Variants in UNC119B observed in about 807,000 individuals in gnomAD.
The protein encoded by UNC119B is unc-119 lipid binding chaperone B, also known as protein unc-119 homolog B.
Under a neutral mutation model 23.4 loss-of-function variants are expected in UNC119B, and 16 were observed. The ratio of observed to expected loss-of-function variants is 0.68; its 90% CI spans 0.46 to 1.04. UNC119B has a LOEUF of 1.04. Among genes scored for constraint, UNC119B ranks in the 50% least tolerant of loss-of-function variants. The probability of loss-of-function intolerance (pLI) is 0.00; values close to 1 mark genes in which losing one functional copy is unlikely to be tolerated. For missense variants in UNC119B, 350 were observed against 361.3 expected, an observed-to-expected ratio of 0.97 and a Z score of 0.25; for synonymous variants, 144 against 145.4, an observed-to-expected ratio of 0.99 and a Z score of 0.07.
At chr12:120,714,424 G>A (rs974416572) in intron 2 of UNC119B, among the ~76,000 whole-genome samples, 3 of 151,794 alleles carry the variant, frequency 2.0e-5, no homozygotes, top group African/African-American at 7.3e-5. Context: ...GGGTTCAAGA[G>A]CTTCTCCTGC....
At chr12:120,718,664 C>G (rs1352136043) in intron 4 of UNC119B, among the ~76,000 whole-genome samples, 1 of 152,186 alleles carries the variant, frequency 6.6e-6, no homozygotes, top group East Asian at 1.9e-4. Flanking sequence ...GCCTAGCCAC[C>G]TCAGGTTCGC....
At chr12:120,715,448 C>G (rs1206133684) in intron 2 of UNC119B, among the ~76,000 whole-genome samples, 2 of 150,546 alleles carry the variant, frequency 1.3e-5, no homozygotes, top group Non-Finnish European at 2.9e-5. Flanking sequence ...CAGCTTAGAC[C>G]TGGAGAAAAT....
chr12:120,711,282 T>C (rs947316014), intron 1 of UNC119B: 2 of 152,298 alleles, frequency 1.3e-5, no homozygotes, highest in Non-Finnish European at 2.9e-5. Context: ...TCAAAACACA[T>C]AGCCGTGGCA....
chr12:120,712,140 C>A (rs536679639), intron 1 of UNC119B, among the ~76,000 whole-genome samples: 1 of 152,340 alleles, frequency 6.6e-6, no homozygotes, highest in African/African-American at 2.4e-5. Context: ...CAGATCCTAT[C>A]TGGGGGCTTG....
rs1372691935 is a variant in UNC119B, at chr12:120,722,353, T to G, written c.*2321T>G. ...GTATCTGGGGCTGTGGGTTCCTGTG[T>G]CTAGCTGCTCAGGAAATCTTGAGAA... On this transcript the variant is annotated 3_prime_UTR_variant, in exon 5 of 5. Coordinates refer to ENST00000344651, the MANE Select transcript of UNC119B (RefSeq NM_001080533.3). 1 of 152,406 alleles carries G rather than the reference T, an allele frequency of 6.6e-6. No individual in the cohort carries two copies. The highest frequency in any genetic ancestry group is 1.5e-5 in the Non-Finnish European group (1 of 68,190). The allele number at this position is 152,406 out of a possible 1,614,324, so 9.4% of individuals were successfully genotyped here.
intron 4 of UNC119B, among the ~76,000 whole-genome samples, 199 bp downstream of exon 4, chr12:120,717,241 G>A (rs1196548743): frequency 6.6e-6 from 1 of 152,132 alleles, no homozygotes; most frequent in Non-Finnish European, 1.5e-5. Flanking sequence ...CCGTATGGGA[G>A]CAATGAAGGG....
At chr12:120,714,156 G>T (rs1376069708) in intron 2 of UNC119B, among the ~76,000 whole-genome samples, 1 of 152,148 alleles carries the variant, frequency 6.6e-6, no homozygotes, top group African/African-American at 2.4e-5. Flanking sequence ...AACTTACTTT[G>T]CAGTGTTTCT....
At chr12:120,710,960 T>C in intron 1 of UNC119B, 1 of 328,538 alleles carries the variant, frequency 3.0e-6, no homozygotes, top group South Asian at 1.5e-4. Context: ...AGGATGCCCT[T>C]CGGCCGGTCG....
At chr12:120,712,479 C>CAAT (rs1312952427) in intron 1 of UNC119B, among the ~76,000 whole-genome samples, 2 of 152,190 alleles carry the variant, frequency 1.3e-5, no homozygotes, top group Non-Finnish European at 2.9e-5. Context: ...AGAATTATTT[C>CAAT]AATTTGCGGC....
intron 4 of UNC119B, among the ~76,000 whole-genome samples, chr12:120,717,585 C>CG (rs1223683919): frequency 4.8e-5 from 7 of 145,056 alleles, no homozygotes; most frequent in Non-Finnish European, 9.0e-5. Flanking sequence ...TTTTTTGAGA[C>CG]GGAGTCTTGC....
chr12:120,716,633 G>C lies in UNC119B; in HGVS notation c.364G>C (p.Glu122Gln), dbSNP rs772363023. 2 of 1,614,206 alleles carry C rather than the reference G, an allele frequency of 1.2e-6. No individual in the cohort carries two copies. Among genetic ancestry groups the C allele is most frequent in the South Asian group, 2.2e-5 (2 of 91,080 alleles). Residue 122 changes from glutamate (E) to glutamine (Q), a missense_variant, in exon 3 of 5, where the codon GAG (glutamate) becomes CAG (glutamine). Transcript: ENST00000344651. ...EIAKPCVSDQ[E>Q]EDEEEGGGDV... ...GATTCTGTGTGCTCTTTCAGACCAGGAGGAGGATGAGGAGGAGGGAGGTGG... is the reference window on the plus strand; with the variant it reads ...GATTCTGTGTGCTCTTTCAGACCAGCAGGAGGATGAGGAGGAGGGAGGTGG...
intron 4 of UNC119B, 46 bp downstream of exon 4, chr12:120,717,088 C>T (rs1320951887): frequency 1.3e-6 from 2 of 1,517,332 alleles, no homozygotes; most frequent in Non-Finnish European, 1.8e-6. Flanking sequence ...CTGAGGGCTA[C>T]AAGGAACAAA....
At chr12:120,713,642 C>T (rs1366441534) in intron 2 of UNC119B, among the ~76,000 whole-genome samples, 2 of 152,216 alleles carry the variant, frequency 1.3e-5, no homozygotes, top group Non-Finnish European at 2.9e-5. Flanking sequence ...ATCCTCACAC[C>T]TCTTTGAGGA....
At position 120,716,869 on chromosome 12, in the gene UNC119B, G is replaced by C; in HGVS notation, c.471-1G>C. On this transcript the variant is annotated splice_acceptor_variant, in intron 3 of 4. Transcript: ENST00000344651. LOFTEE classifies it high-confidence loss of function. Reference sequence around the variant, plus strand: ...CGGGCTTACAGAGATTTATTTTCCAGGGTGGAGTTCACAGTGGGAGACAAA... The same window carrying C: ...CGGGCTTACAGAGATTTATTTTCCACGGTGGAGTTCACAGTGGGAGACAAA... The C allele has an allele frequency of 6.2e-7, 1 of 1,608,214 alleles. No individual in the cohort carries two copies. Among genetic ancestry groups the C allele is most frequent in the Non-Finnish European group, 8.5e-7 (1 of 1,175,508 alleles).
intron 2 of UNC119B, among the ~76,000 whole-genome samples, chr12:120,715,521 C>CTTT (rs55906857): frequency 5.6e-5 from 4 of 71,516 alleles, no homozygotes; most frequent in African/African-American, 1.3e-4. Flanking sequence ...TTCTCTGATT[C>CTTT]TTTTTTTTTT....
rs1592929337 is a variant in UNC119B, at chr12:120,720,264, A to G, written c.*232A>G. 2 of 510,934 alleles carry G rather than the reference A, an allele frequency of 3.9e-6. No individual in the cohort carries two copies. 31.7% of individuals were successfully genotyped at this position (510,934 alleles called of 1,614,324 possible). On this transcript the variant is annotated 3_prime_UTR_variant, in exon 5 of 5. Coordinates refer to ENST00000344651, the MANE Select transcript of UNC119B (RefSeq NM_001080533.3). ...GCCCCGTAGGTTGCAGAGGTACTAT[A>G]GTAAAGTAAAAGGTTAGGATAAGGG...
intron 1 of UNC119B, chr12:120,711,353 A>C (rs995055727): frequency 3.3e-5 from 5 of 152,286 alleles, no homozygotes; most frequent in Admixed American, 2.0e-4. Flanking sequence ...GTTTGTGTAC[A>C]GACTCCGACA....
intron 4 of UNC119B, among the ~76,000 whole-genome samples, chr12:120,719,281 T>TCCAGTACTAA (rs1882842050): frequency 6.6e-6 from 1 of 152,220 alleles, no homozygotes; most frequent in South Asian, 2.1e-4. Context: ...ATCTTTACTC[T>TCCAGTACTAA]CCAGTATGGT....
chr12:120,723,487 A>T lies in UNC119B; in HGVS notation c.*3455A>T, dbSNP rs537880908. On this transcript the variant is annotated 3_prime_UTR_variant, in exon 5 of 5. Coordinates refer to ENST00000344651, the MANE Select transcript of UNC119B (RefSeq NM_001080533.3). ...TTTTTACAGAATATAAGAAACATCA[A>T]TGACCTGATCTGTCCTTCCTCCTCC... 7 of 152,646 alleles carry T rather than the reference A, an allele frequency of 4.6e-5. No homozygotes were observed. The highest frequency in any genetic ancestry group is 1.7e-4 in the African/African-American group (7 of 41,594). The allele number at this position is 152,646 out of a possible 1,614,324, so 9.5% of individuals were successfully genotyped here.
Sources: allele counts gnomAD v4.1 joint callset (sites outside exome capture counted in the v4.1 genomes callset), GRCh38; gene constraint gnomAD v4.1.1; transcripts MANE v1.5; gene names NCBI Gene and HGNC (gene_info 2026-07-23, HGNC 2026-07-21).